STK33: variants seen among roughly 807,000 people sequenced by gnomAD.
STK33 encodes the protein serine/threonine kinase 33, also known as serine/threonine-protein kinase 33.
STK33 carries 52 observed loss-of-function variants against 58.0 expected under a neutral mutation model. The observed-to-expected ratio is 0.90, with a 90% CI of 0.72 to 1.13. The LOEUF is 1.13. STK33 is among the 50% of genes most tolerant of loss of function. The pLI, the probability that STK33 is intolerant of heterozygous loss-of-function variation, is 0.00. For missense variants in STK33, 630 were observed against 604.2 expected (o/e 1.04, Z -0.45); for synonymous variants, 215 against 200.1 (o/e 1.07, Z -0.63).
rs1474380232 is a variant in STK33, at chr11:8,392,250, C to G, written c.*260G>C. 1.7e-5 allele frequency: 8 copies of G among 484,068 alleles called. No individual in the cohort carries two copies. The highest frequency in any genetic ancestry group is 2.2e-5 in the Non-Finnish European group (6 of 274,164). The allele number at this position is 484,068 out of a possible 1,614,324, so 30.0% of individuals were successfully genotyped here. ...GAAGGTATCTGCCCCCCTAAAAAAC[C>G]TTCGTGTACATCTTGAGTTGATTTC... is the stretch of plus-strand genomic sequence containing the variant. On this transcript the variant is annotated 3_prime_UTR_variant, in exon 16 of 16. Coordinates refer to ENST00000687296, the MANE Select transcript of STK33 (RefSeq NM_001352389.2).
intron 1 of STK33, among the ~76,000 whole-genome samples, chr11:8,507,894 A>AGTTGTTGTT: frequency 6.6e-6 from 1 of 152,144 alleles, no homozygotes; most frequent in Non-Finnish European, 1.5e-5. Context: ...TTGTTGTTGT[A>AGTTGTTGTT]GTTGTTGTTG....
chr11:8,478,478 A>C (rs531868504), intron 2 of STK33, among the ~76,000 whole-genome samples: 1 of 152,224 alleles, frequency 6.6e-6, no homozygotes. Context: ...TTTTATTTTT[A>C]GAACTAAGGC....
At chr11:8,389,004 C>T (rs1181530622), downstream of STK33, among the ~76,000 whole-genome samples, 1 of 152,176 alleles carries the variant, frequency 6.6e-6, no homozygotes, top group Non-Finnish European at 1.5e-5. Flanking sequence ...GACAAAACTA[C>T]CTTGGGTCAG....
chr11:8,453,760 T>C (rs1450090001), intron 10 of STK33, among the ~76,000 whole-genome samples: 1 of 152,252 alleles, frequency 6.6e-6, no homozygotes, highest in East Asian at 1.9e-4. Flanking sequence ...TTCCAGTGCC[T>C]TATGGAGTAA....
chr11:8,404,933 G>C (rs1034780982), intron 15 of STK33, among the ~76,000 whole-genome samples: 1 of 152,186 alleles, frequency 6.6e-6, no homozygotes, highest in African/African-American at 2.4e-5. Context: ...GAGGTCAGGA[G>C]ATAGAGACCA....
chr11:8,354,441 G>C, the STK33 span, among the ~76,000 whole-genome samples: 3 of 145,194 alleles, frequency 2.1e-5, no homozygotes, highest in South Asian at 2.2e-4. Flanking sequence ...TTCCCTAGCA[G>C]ATCAACATTC....
At chr11:8,585,885 T>C (rs1332320690) in intron 1 of STK33, among the ~76,000 whole-genome samples, 1 of 151,974 alleles carries the variant, frequency 6.6e-6, no homozygotes, top group Non-Finnish European at 1.5e-5. Flanking sequence ...TAAAACCTCG[T>C]CCTACTAAAA....
At chr11:8,383,918 C>G in the STK33 span, among the ~76,000 whole-genome samples, 1 of 152,174 alleles carries the variant, frequency 6.6e-6, no homozygotes, top group Admixed American at 6.5e-5. Context: ...TCACATCCTT[C>G]TCCACCTTAG....
At chr11:8,548,610 C>T (rs1190442770) in intron 1 of STK33, among the ~76,000 whole-genome samples, 2 of 152,132 alleles carry the variant, frequency 1.3e-5, no homozygotes, top group Non-Finnish European at 2.9e-5. Flanking sequence ...TGGGTCCATA[C>T]AAATTTTAGA....
At chr11:8,377,301 C>T in the STK33 span, among the ~76,000 whole-genome samples, 2 of 152,150 alleles carry the variant, frequency 1.3e-5, no homozygotes, top group African/African-American at 2.4e-5. Context: ...ATAAATCCCC[C>T]CTAAAAACTG....
chr11:8,440,864 G>A, intron 11 of STK33, 111 bp from the exon 12 acceptor site: 1 of 1,088,512 alleles, frequency 9.2e-7, no homozygotes, highest in South Asian at 1.6e-5. Context: ...TTCCCCCATA[G>A]GGAAAAGAGA....
At chr11:8,451,080 TCAAGAGTTGTC>T (rs1565024931) in intron 11 of STK33, among the ~76,000 whole-genome samples, 1 of 152,120 alleles carries the variant, frequency 6.6e-6, no homozygotes, top group African/African-American at 2.4e-5. Flanking sequence ...ATAGGTAATA[TCAAGAGTTGTC>T]GAAGATATGG....
At chr11:8,417,682 G>A (rs898867690) in intron 14 of STK33, among the ~76,000 whole-genome samples, 14 of 151,990 alleles carry the variant, frequency 9.2e-5, no homozygotes, top group Admixed American at 2.6e-4. Flanking sequence ...GTAGAAAAAT[G>A]GAACACTTTA....
intron 1 of STK33, among the ~76,000 whole-genome samples, chr11:8,496,461 T>C (rs932238714): frequency 2.6e-5 from 4 of 152,228 alleles, no homozygotes; most frequent in Admixed American, 2.0e-4. Flanking sequence ...GAAGGTACTT[T>C]ACAAAATTTA....
At chr11:8,485,900 TTAAC>T (rs1424229067) in intron 1 of STK33, among the ~76,000 whole-genome samples, 1 of 152,228 alleles carries the variant, frequency 6.6e-6, no homozygotes, top group African/African-American at 2.4e-5. Context: ...GATAGCTTTA[TTAAC>T]TAAATAATGC....
Position 8,593,724 on chromosome 11 carries a change from G to C in STK33, c.-466+359C>G, listed in dbSNP as rs78989951. 200 of 152,324 alleles carry C rather than the reference G, an allele frequency of 1.3e-3. 1 individual carries two copies. The highest frequency in any genetic ancestry group is 4.7e-3 in the African/African-American group (196 of 41,548). The allele number at this position is 152,324 out of a possible 1,614,324, so 9.4% of individuals were successfully genotyped here. A position where few individuals can be genotyped will look rare whatever the true frequency, so the allele number is the denominator to read the frequency against. ...GAAACACAACTTCAGAACTTCTAAG[G>C]ATGTTTCCCACACACTTACCCCACA... On this transcript the variant is annotated intron_variant, in intron 1 of 15. Coordinates refer to ENST00000687296, the MANE Select transcript of STK33 (RefSeq NM_001352389.2).
chr11:8,397,625 G>A (rs1238300168), intron 15 of STK33, among the ~76,000 whole-genome samples: 1 of 152,142 alleles, frequency 6.6e-6, no homozygotes, highest in Non-Finnish European at 1.5e-5. Flanking sequence ...TGACTTTGAC[G>A]AGTTGAGAAA....
intron 1 of STK33, among the ~76,000 whole-genome samples, chr11:8,503,275 T>C (rs1040353470): frequency 6.6e-6 from 1 of 152,152 alleles, no homozygotes; most frequent in African/African-American, 2.4e-5. Context: ...CACCATGGAA[T>C]ACTACACAGC....
chr11:8,357,327 G>A, the STK33 span, among the ~76,000 whole-genome samples: 1 of 152,272 alleles, frequency 6.6e-6, no homozygotes, highest in African/African-American at 2.4e-5. Flanking sequence ...CCGCCCAGCA[G>A]CCCGCGGAGC....
Sources: gnomAD v4.1 joint callset for allele counts (sites outside exome capture counted in the v4.1 genomes callset) on GRCh38, gnomAD v4.1.1 for gene constraint, MANE v1.5 for transcripts, NCBI Gene and HGNC (gene_info 2026-07-23, HGNC 2026-07-21) for gene names.